AFF3: variants seen among roughly 807,000 people sequenced by gnomAD.
The protein encoded by AFF3 is ALF transcription elongation factor 3, also known as AF4/FMR2 family member 3.
AFF3 carries 32 observed loss-of-function variants against 129.7 expected under a neutral mutation model. The observed-to-expected ratio is 0.25, with a 90% CI of 0.19 to 0.33. The LOEUF is 0.33. Among genes scored for constraint, AFF3 ranks in the 10% least tolerant of loss-of-function variants. The pLI is 1.00. For missense variants in AFF3, 1,373 were observed against 1,592.0 expected, an observed-to-expected ratio of 0.86 and a Z score of 2.34; for synonymous variants, 644 against 635.4, an observed-to-expected ratio of 1.01 and a Z score of -0.20.
chr2:99,707,063 G>C, intron 11 of AFF3: 1 of 978,496 alleles, frequency 1.0e-6, no homozygotes, highest in Non-Finnish European at 1.2e-6. Flanking sequence ...TCCTACTTTT[G>C]AAATACCGAA....
chr2:100,036,371 A>G (rs935676268), intron 4 of AFF3, among the ~76,000 whole-genome samples: 3 of 152,106 alleles, frequency 2.0e-5, no homozygotes, highest in African/African-American at 7.2e-5. Context: ...TTACAAATCC[A>G]TGAAGAAAAG....
At chr2:99,791,014 A>G (rs1166276979) in intron 8 of AFF3, among the ~76,000 whole-genome samples, 8 of 152,228 alleles carry the variant, frequency 5.3e-5, no homozygotes, top group Non-Finnish European at 7.3e-5. Flanking sequence ...AATCTCAAAA[A>G]CAGTTTGGTA....
intron 11 of AFF3, among the ~76,000 whole-genome samples, chr2:99,689,154 A>G (rs1675358985): frequency 6.6e-6 from 1 of 152,086 alleles, no homozygotes; most frequent in African/African-American, 2.4e-5. Flanking sequence ...TCTCACTGGC[A>G]TAACTAACTC....
intron 7 of AFF3, among the ~76,000 whole-genome samples, chr2:99,845,871 T>C (rs559522175): frequency 6.6e-5 from 10 of 152,152 alleles, no homozygotes; most frequent in African/African-American, 2.4e-4. Flanking sequence ...CTTGCTCTGT[T>C]GCCTAGGCTG....
intron 7 of AFF3, among the ~76,000 whole-genome samples, chr2:99,915,459 C>T (rs1695412118): frequency 6.6e-6 from 1 of 152,104 alleles, no homozygotes; most frequent in Admixed American, 6.5e-5. Context: ...CTGATGATCT[C>T]TGCGGTGGAG....
intron 7 of AFF3, among the ~76,000 whole-genome samples, chr2:99,856,027 A>ATAT (rs1482955407): frequency 6.6e-6 from 1 of 152,168 alleles, no homozygotes; most frequent in Admixed American, 6.5e-5. Flanking sequence ...TGTCAGACCA[A>ATAT]TATGCCTTAA....
chr2:99,897,565 C>G (rs1694064680), intron 7 of AFF3, among the ~76,000 whole-genome samples: 1 of 152,200 alleles, frequency 6.6e-6, no homozygotes. Context: ...CCACTGCCCA[C>G]ACCAGACCAC....
intron 10 of AFF3, among the ~76,000 whole-genome samples, chr2:99,734,540 G>A (rs1181646122): frequency 2.0e-5 from 3 of 152,076 alleles, no homozygotes; most frequent in Non-Finnish European, 2.9e-5. Context: ...TGTTAATGAA[G>A]TGGGCTTCTA....
At chr2:100,057,769 G>C (rs1324755668) in intron 4 of AFF3, among the ~76,000 whole-genome samples, 1 of 152,014 alleles carries the variant, frequency 6.6e-6, no homozygotes, top group Non-Finnish European at 1.5e-5. Flanking sequence ...ATACTCCAAG[G>C]AAGTTTCTTC....
At chr2:99,727,014 T>C in intron 11 of AFF3, 63 bp downstream of exon 11, 1 of 1,392,194 alleles carries the variant, frequency 7.2e-7, no homozygotes, top group Non-Finnish European at 9.9e-7. Flanking sequence ...ATACTTGCAC[T>C]ATCTCATTTT....
At chr2:99,848,439 T>A (rs964894516) in intron 7 of AFF3, among the ~76,000 whole-genome samples, 3 of 152,144 alleles carry the variant, frequency 2.0e-5, no homozygotes, top group Non-Finnish European at 2.9e-5. Flanking sequence ...AAGAAAACCA[T>A]GTGCTTAGGC....
At chr2:100,041,343 T>C (rs1022099638) in intron 4 of AFF3, among the ~76,000 whole-genome samples, 1 of 152,142 alleles carries the variant, frequency 6.6e-6, no homozygotes, top group Admixed American at 6.5e-5. Flanking sequence ...CTAAGCAAAA[T>C]AGTCTGTTAA....
chr2:99,599,231 C>A (rs2105050489), intron 14 of AFF3, among the ~76,000 whole-genome samples: 1 of 152,352 alleles, frequency 6.6e-6, no homozygotes, highest in Middle Eastern at 3.4e-3. Context: ...TTGCTTAAAG[C>A]ACTTTATAAC....
intron 19 of AFF3, among the ~76,000 whole-genome samples, chr2:99,567,555 G>A (rs1436799568): frequency 6.6e-6 from 1 of 152,188 alleles, no homozygotes; most frequent in Non-Finnish European, 1.5e-5. Context: ...AGGCTGGGAA[G>A]GCCACAGGGA....
intron 10 of AFF3, among the ~76,000 whole-genome samples, chr2:99,741,517 G>A (rs1575839492): frequency 6.6e-6 from 1 of 152,162 alleles, no homozygotes; most frequent in Admixed American, 6.5e-5. Flanking sequence ...TACAAGGGAC[G>A]TGAAGGACCT....
intron 8 of AFF3, among the ~76,000 whole-genome samples, chr2:99,775,028 A>T (rs1351244403): frequency 2.0e-5 from 3 of 152,262 alleles, no homozygotes; most frequent in African/African-American, 7.2e-5. Flanking sequence ...ATGCAAATCA[A>T]AACCACAATG....
At chr2:100,016,497 G>A (rs1683090272) in intron 4 of AFF3, among the ~76,000 whole-genome samples, 2 of 149,818 alleles carry the variant, frequency 1.3e-5, no homozygotes, top group African/African-American at 5.1e-5. Flanking sequence ...AGTGGTGATG[G>A]TACTGGTGGT....
intron 7 of AFF3, among the ~76,000 whole-genome samples, chr2:99,936,747 A>T (rs1374202941): frequency 6.6e-6 from 1 of 152,240 alleles, no homozygotes; most frequent in Non-Finnish European, 1.5e-5. Context: ...CTTGCTAAAA[A>T]GGCAAACACA....
chr2:100,000,507 C>T (rs75902529), intron 7 of AFF3, among the ~76,000 whole-genome samples: 5,518 of 140,982 alleles, frequency 0.039, 153 homozygotes, highest in Non-Finnish European at 0.062. Context: ...CTCTCTAGCA[C>T]GCGCGCACAC....
Sources: gnomAD v4.1 joint callset for allele counts (sites outside exome capture counted in the v4.1 genomes callset) on GRCh38, gnomAD v4.1.1 for gene constraint, MANE v1.5 for transcripts, NCBI Gene and HGNC (gene_info 2026-07-23, HGNC 2026-07-21) for gene names.